LHX4: variants seen among roughly 807,000 people sequenced by gnomAD.
The protein encoded by LHX4 is LIM/homeobox protein Lhx4.
In LHX4, 16 loss-of-function variants were observed where a neutral mutation model predicts 39.2. The observed-to-expected ratio is 0.41, with a 90% CI of 0.28 to 0.62. LHX4 has a LOEUF of 0.62. Ranked by LOEUF, LHX4 falls within the 20% of genes least tolerant of loss-of-function variation. LHX4 has a pLI of 0.33. For missense variants in LHX4, 439 were observed against 511.9 expected, an observed-to-expected ratio of 0.86 and a Z score of 1.37; for synonymous variants, 206 against 198.1, an observed-to-expected ratio of 1.04 and a Z score of -0.33.
At position 180,240,126 on chromosome 1, in the gene LHX4, C is replaced by T. The variant is rs143722420; in HGVS notation, c.77-8159C>T. Among the ~76,000 whole-genome samples the T allele has an allele frequency of 3.5e-3, 538 of 152,352 alleles. 1 individual carries two copies. The highest frequency in any genetic ancestry group is 0.012 in the African/African-American group (505 of 41,582). On this transcript the variant is annotated intron_variant, in intron 1 of 5. Transcript: ENST00000263726. The stretch of plus-strand genomic sequence containing the variant: ...AAAGCCTCACAGGAGGCACATCAAG[C>T]TGGCACATCAAAGTACAAACTTTAC...
intron 2 of LHX4, among the ~76,000 whole-genome samples, chr1:180,258,866 C>T (rs1443447770): frequency 6.6e-6 from 1 of 151,720 alleles, no homozygotes; most frequent in African/African-American, 2.4e-5. Flanking sequence ...GTAGAGTCAA[C>T]AGGATTTGCT....
chr1:180,254,721 C>A (rs1027817138), intron 2 of LHX4, among the ~76,000 whole-genome samples: 1 of 152,186 alleles, frequency 6.6e-6, no homozygotes, highest in Non-Finnish European at 1.5e-5. Context: ...CCAGGCTCAG[C>A]GTGAACTTGG....
upstream of LHX4, among the ~76,000 whole-genome samples, chr1:180,229,564 G>A (rs355613): frequency 0.021 from 3,265 of 152,276 alleles, 103 homozygotes; most frequent in African/African-American, 0.072. Context: ...CCAGACGCGG[G>A]GGAGAGAGAG....
At chr1:180,270,913 A>G (rs1648608544) in intron 3 of LHX4, 1 of 244,602 alleles carries the variant, frequency 4.1e-6, no homozygotes, top group African/African-American at 2.2e-5. Context: ...CGCCAGGGCA[A>G]AGGTGACATG....
intron 2 of LHX4, among the ~76,000 whole-genome samples, chr1:180,254,882 C>T (rs1184614579): frequency 6.6e-6 from 1 of 152,112 alleles, no homozygotes; most frequent in Non-Finnish European, 1.5e-5. Context: ...CTACACTGTG[C>T]CCCACATAGG....
intron 2 of LHX4, among the ~76,000 whole-genome samples, chr1:180,250,571 G>A (rs930404998): frequency 1.3e-5 from 2 of 152,220 alleles, no homozygotes; most frequent in African/African-American, 4.8e-5. Flanking sequence ...GGATGTCCGA[G>A]TCAGACCTCA....
At chr1:180,246,038 G>C (rs888549948) in intron 1 of LHX4, among the ~76,000 whole-genome samples, 3 of 152,150 alleles carry the variant, frequency 2.0e-5, no homozygotes, top group Non-Finnish European at 2.9e-5. Flanking sequence ...TATGTACTGG[G>C]ACAATTAGCA....
intron 5 of LHX4, 26 bp downstream of exon 5, chr1:180,272,032 C>G: frequency 6.3e-7 from 1 of 1,599,924 alleles, no homozygotes; most frequent in Non-Finnish European, 8.5e-7. Flanking sequence ...GGGGCCAGGC[C>G]GAGGCCTTAG....
chr1:180,234,169 TTATATATATATATATATATATATATATA>T lies in LHX4; in HGVS notation c.76+3589_76+3616del, dbSNP rs777438399. Among the ~76,000 whole-genome samples the T allele has an allele frequency of 2.4e-3, 127 of 53,598 alleles. 3 individuals carry two copies. The East Asian group carries it at 0.044, about 18-fold the overall frequency. 35.2% of individuals were successfully genotyped at this position (53,598 alleles called of 152,430 possible). On this transcript the variant is annotated intron_variant, in intron 1 of 5. Coordinates refer to ENST00000263726, the MANE Select transcript of LHX4 (RefSeq NM_033343.4). The surrounding 1 kb of genome is among the most constrained non-coding windows in gnomAD (Gnocchi z 4.8). ...AACAGACACACACAACACACACAAA[TTATATATATATATATATATATATATATA>T]TATATATATATATATATATATATAA...
chr1:180,269,253 C>T (rs749449053), intron 3 of LHX4, among the ~76,000 whole-genome samples: 6 of 152,040 alleles, frequency 3.9e-5, no homozygotes, highest in South Asian at 4.2e-4. Flanking sequence ...CCTTGCAGAA[C>T]GCTCTCTCCT....
In LHX4 at chr1:180,230,347, C is replaced by T. The variant is rs1664146460; in HGVS notation, c.-183C>T. ...AAAGGGACTGGAAACAGACTGGGGA[C>T]TGGCGGGGGGAGGGGGCCGGCCAGC... On this transcript the variant is annotated 5_prime_UTR_variant, in exon 1 of 6. Transcript: ENST00000263726. The surrounding 1 kb of genome is among the most constrained non-coding windows in gnomAD (Gnocchi z 5.8). The T allele has an allele frequency of 1.6e-6, 1 of 643,126 alleles. No homozygotes were observed. Among genetic ancestry groups the T allele is most frequent in the Non-Finnish European group, 2.8e-6 (1 of 356,106 alleles). The allele number at this position is 643,126 out of a possible 1,614,324, so 39.8% of individuals were successfully genotyped here.
rs559788187 is a variant in LHX4, at chr1:180,252,396, C to G, written c.248+3940C>G. On this transcript the variant is annotated intron_variant, in intron 2 of 5. Transcript: ENST00000263726. ...ATTTGCCCATCAGACCTCTGATGCT[C>G]TTAGCTGTGGAGTTTGGAAGACAGC... Among the ~76,000 whole-genome samples the G allele has an allele frequency of 4.6e-4, 70 of 152,316 alleles. No individual in the cohort carries two copies. The Middle Eastern group carries it at 0.01, about 22-fold the overall frequency.
chr1:180,250,189 A>G (rs1048121700), intron 2 of LHX4, among the ~76,000 whole-genome samples: 2 of 151,750 alleles, frequency 1.3e-5, no homozygotes, highest in Admixed American at 6.6e-5. Flanking sequence ...CATTCATGCA[A>G]TTCCATTCCC....
chr1:180,244,168 A>G (rs1273372642), intron 1 of LHX4, among the ~76,000 whole-genome samples: 1 of 152,216 alleles, frequency 6.6e-6, no homozygotes, highest in Non-Finnish European at 1.5e-5. Context: ...GCCTGCGTGT[A>G]TTACTGTGAT....
intron 1 of LHX4, among the ~76,000 whole-genome samples, chr1:180,233,249 G>A (rs1046026421): frequency 2.0e-5 from 3 of 152,176 alleles, no homozygotes; most frequent in Admixed American, 2.0e-4. Flanking sequence ...CCTCTTCCTC[G>A]CCACTCTGTC....
chr1:180,267,431 C>T (rs1042577135), intron 3 of LHX4, among the ~76,000 whole-genome samples: 3 of 152,242 alleles, frequency 2.0e-5, no homozygotes, highest in Admixed American at 1.3e-4. Flanking sequence ...GACTTTCCAG[C>T]GTAGAGCCCA....
At chr1:180,229,963 G>GCGGGGGGGGCGGGGGGGC, upstream of LHX4, among the ~76,000 whole-genome samples, 1 of 78,230 alleles carries the variant, frequency 1.3e-5, no homozygotes, top group Non-Finnish European at 2.8e-5. Flanking sequence ...CGGAGGCGGG[G>GCGGGGGGGGCGGGGGGGC]AGGGGGGGGG....
At position 180,271,922 on chromosome 1, in the gene LHX4, A is replaced by T; in HGVS notation, c.694A>T (p.Lys232Ter). 1 of 1,613,448 alleles carries T rather than the reference A, an allele frequency of 6.2e-7. No individual in the cohort carries two copies. The highest frequency in any genetic ancestry group is 8.5e-7 in the Non-Finnish European group (1 of 1,179,936). ...HRWGQFYKSV[K>*]RSRGSSKQEK... Reference sequence around the variant, plus strand: ...CTGGGGGCAGTTCTATAAGAGCGTCAAGAGGAGCCGGGGCAGCAGCAAGCA... The same window carrying T: ...CTGGGGGCAGTTCTATAAGAGCGTCTAGAGGAGCCGGGGCAGCAGCAAGCA... Residue 232 changes from lysine (K) to a stop codon, truncating the protein, a stop_gained, in exon 5 of 6, where the codon AAG becomes TAG. Coordinates refer to ENST00000263726, the MANE Select transcript of LHX4 (RefSeq NM_033343.4). LOFTEE classifies it high-confidence loss of function.
intron 3 of LHX4, chr1:180,269,556 A>G (rs1648503518): frequency 6.6e-6 from 1 of 152,268 alleles, no homozygotes; most frequent in African/African-American, 2.4e-5. Flanking sequence ...TGACGGGTCT[A>G]TCCCAGTGGC....
Sources: allele counts gnomAD v4.1 joint callset (sites outside exome capture counted in the v4.1 genomes callset), GRCh38; gene constraint gnomAD v4.1.1; non-coding constraint Gnocchi (gnomAD v3.1); transcripts MANE v1.5; gene names NCBI Gene and HGNC (gene_info 2026-07-23, HGNC 2026-07-21).